Variants in CAMTA1 observed in about 807,000 individuals in gnomAD.
CAMTA1 encodes the protein calmodulin-binding transcription activator 1.
In CAMTA1, 27 loss-of-function variants were observed where a neutral mutation model predicts 170.9. That is an observed-to-expected ratio of 0.16 (90% CI 0.12 to 0.22). The LOEUF is 0.22. Ranked by LOEUF, CAMTA1 falls within the 10% of genes least tolerant of loss-of-function variation. The pLI is 1.00. For missense variants in CAMTA1, 1,619 were observed against 2,217.2 expected, an observed-to-expected ratio of 0.73 and a Z score of 5.42; for synonymous variants, 833 against 891.5, an observed-to-expected ratio of 0.93 and a Z score of 1.17.
At chr1:7,604,089 G>A (rs1417535179) in intron 6 of CAMTA1, among the ~76,000 whole-genome samples, 1 of 152,174 alleles carries the variant, frequency 6.6e-6, no homozygotes, top group South Asian at 2.1e-4. Flanking sequence ...TGGGTAACCC[G>A]ACCTTTCTCT....
chr1:7,057,915 C>T (rs1301322432), intron 3 of CAMTA1, among the ~76,000 whole-genome samples: 4 of 152,182 alleles, frequency 2.6e-5, no homozygotes, highest in Non-Finnish European at 1.5e-5. Flanking sequence ...CTTCTCTGGA[C>T]CCCCAGATCC....
At chr1:7,574,203 A>G (rs993699227) in intron 6 of CAMTA1, among the ~76,000 whole-genome samples, 23 of 134,512 alleles carry the variant, frequency 1.7e-4, no homozygotes, top group African/African-American at 9.2e-4. Flanking sequence ...ACACAACACC[A>G]TGTGCCGAGC....
rs369704332 is a variant in CAMTA1 at position 7,147,348 on chromosome 1, C to T, written c.302+55977C>T. 7.3e-5 allele frequency among the ~76,000 whole-genome samples: 11 copies of T among 151,252 alleles called. No homozygotes were observed. In the South Asian group the frequency reaches 1.1e-3, roughly 14 times the overall value. ...CTGAGGCAGGAGAATGGCGTGAACC[C>T]GGGAGGTGGAGCTTGCAGTGAGCCG... On this transcript the variant is annotated intron_variant, in intron 4 of 22. Transcript: ENST00000303635.
intron 5 of CAMTA1, among the ~76,000 whole-genome samples, chr1:7,466,873 C>T (rs1345835447): frequency 6.6e-6 from 1 of 152,200 alleles, no homozygotes; most frequent in Non-Finnish European, 1.5e-5. Context: ...AAATTGATGA[C>T]CTGCTCAAGG....
At chr1:7,515,271 G>A (rs1169033038) in intron 6 of CAMTA1, among the ~76,000 whole-genome samples, 1 of 152,186 alleles carries the variant, frequency 6.6e-6, no homozygotes, top group African/African-American at 2.4e-5. Context: ...ATCTGGCCCT[G>A]GCAGCTTCCT....
At chr1:7,564,131 G>A (rs1255681227) in intron 6 of CAMTA1, among the ~76,000 whole-genome samples, 1 of 152,196 alleles carries the variant, frequency 6.6e-6, no homozygotes, top group Non-Finnish European at 1.5e-5. Context: ...CTCTCCGGAT[G>A]TTCCGACCCC....
intron 1 of CAMTA1, among the ~76,000 whole-genome samples, chr1:6,816,158 C>T (rs1570385552): frequency 6.6e-6 from 1 of 152,180 alleles, no homozygotes; most frequent in African/African-American, 2.4e-5. Flanking sequence ...TGATGGAATC[C>T]AGGTTTCTTC....
chr1:7,320,111 A>T (rs1360646019), intron 5 of CAMTA1, among the ~76,000 whole-genome samples: 2 of 152,180 alleles, frequency 1.3e-5, no homozygotes, highest in African/African-American at 4.8e-5. Context: ...TTGCTTTATT[A>T]CACTGAGTAG....
chr1:7,034,400 C>T (rs559944128), intron 3 of CAMTA1, among the ~76,000 whole-genome samples: 5 of 152,156 alleles, frequency 3.3e-5, no homozygotes, highest in Admixed American at 2.0e-4. Flanking sequence ...GTGATCCACC[C>T]GCCTCGGCCT....
chr1:7,151,216 T>C (rs2148686792), intron 4 of CAMTA1, among the ~76,000 whole-genome samples: 1 of 152,396 alleles, frequency 6.6e-6, no homozygotes, highest in African/African-American at 2.4e-5. Context: ...GGCTTTCTTC[T>C]ACACTGTGCT....
chr1:7,060,483 G>C (rs1011798067), intron 3 of CAMTA1, among the ~76,000 whole-genome samples: 4 of 152,222 alleles, frequency 2.6e-5, no homozygotes, highest in Non-Finnish European at 4.4e-5. Context: ...GTCACATGCC[G>C]AGATGCTGGG....
chr1:7,717,453 A>G (rs555409219), intron 11 of CAMTA1, among the ~76,000 whole-genome samples: 213 of 152,248 alleles, frequency 1.4e-3, no homozygotes, highest in Non-Finnish European at 1.9e-3. Flanking sequence ...GTCCATGTCA[A>G]AAAAATTTGA....
intron 6 of CAMTA1, among the ~76,000 whole-genome samples, chr1:7,575,630 G>T (rs1024850484): frequency 1.3e-5 from 2 of 152,206 alleles, no homozygotes; most frequent in Non-Finnish European, 1.5e-5. Context: ...TGGCCAAAAG[G>T]GTTCATCACT....
chr1:6,852,689 C>T (rs920478095), intron 3 of CAMTA1, among the ~76,000 whole-genome samples: 1 of 152,218 alleles, frequency 6.6e-6, no homozygotes, highest in Non-Finnish European at 1.5e-5. Context: ...AGTCACCCTC[C>T]CAGCTCCCCT....
chr1:7,718,412 C>G (rs1253998509), intron 11 of CAMTA1, among the ~76,000 whole-genome samples: 5 of 152,164 alleles, frequency 3.3e-5, no homozygotes, highest in Non-Finnish European at 7.3e-5. Flanking sequence ...TTCCTGCTCA[C>G]TTTGTCGTTT....
rs529539513 is a variant in CAMTA1 at position 7,476,069 on chromosome 1, T to A, written c.510+8168T>A. Among the ~76,000 whole-genome samples the A allele has an allele frequency of 2.0e-5, 3 of 152,358 alleles. No homozygotes were observed. The South Asian group carries it at 6.2e-4, about 32-fold the overall frequency. ...CCCCAAGTTTCCCCTGCCCTGGCCCTTGGCGTCCCTGTGAGGCTGGGGTCT... is the reference window on the plus strand; with the variant it reads ...CCCCAAGTTTCCCCTGCCCTGGCCCATGGCGTCCCTGTGAGGCTGGGGTCT... On this transcript the variant is annotated intron_variant, in intron 6 of 22. Transcript: ENST00000303635.
intron 7 of CAMTA1, among the ~76,000 whole-genome samples, chr1:7,655,018 CT>C (rs1479579815): frequency 5.4e-4 from 67 of 124,716 alleles, no homozygotes; most frequent in Admixed American, 3.1e-3. Context: ...ACACACACCC[CT>C]ATATACACAA....
At chr1:7,265,697 A>AT (rs1668822737) in intron 5 of CAMTA1, among the ~76,000 whole-genome samples, 1 of 152,130 alleles carries the variant, frequency 6.6e-6, no homozygotes, top group Non-Finnish European at 1.5e-5. Flanking sequence ...ATTAAAATTC[A>AT]TTTTTCCTGT....
chr1:7,451,584 G>A (rs1232746632), intron 5 of CAMTA1, among the ~76,000 whole-genome samples: 2 of 152,170 alleles, frequency 1.3e-5, no homozygotes, highest in Non-Finnish European at 2.9e-5. Flanking sequence ...GTCAGGTTGG[G>A]GAGGTGGTGG....
Sources: allele counts gnomAD v4.1 joint callset (sites outside exome capture counted in the v4.1 genomes callset), GRCh38; gene constraint gnomAD v4.1.1; transcripts MANE v1.5; gene names NCBI Gene and HGNC (gene_info 2026-07-23, HGNC 2026-07-21).